Variants in UNC5B observed in about 807,000 individuals in gnomAD.
UNC5B encodes the protein unc-5 netrin receptor B.
A neutral mutation model predicts 103.7 loss-of-function variants in UNC5B; 56 were observed. The observed-to-expected ratio is 0.54, with a 90% confidence interval of 0.44 to 0.67. The LOEUF is 0.67. Ranked by LOEUF, UNC5B falls within the 30% of genes least tolerant of loss-of-function variation. The probability of loss-of-function intolerance (pLI) is 0.00; values close to 1 mark genes in which losing one functional copy is unlikely to be tolerated. For synonymous variants in UNC5B, 577 were observed against 542.0 expected, an observed-to-expected ratio of 1.06 and a Z score of -0.90; for missense variants, 1,194 against 1,284.5, an observed-to-expected ratio of 0.93 and a Z score of 1.08.
intron 1 of UNC5B, among the ~76,000 whole-genome samples, chr10:71,256,293 C>T (rs1362767932): frequency 6.6e-6 from 1 of 152,198 alleles, no homozygotes; most frequent in Non-Finnish European, 1.5e-5. Context: ...GGCCCCAGCT[C>T]CTCCAGGAAG....
At chr10:71,224,437 C>T (rs762965477) in intron 1 of UNC5B, among the ~76,000 whole-genome samples, 9 of 150,690 alleles carry the variant, frequency 6.0e-5, no homozygotes, top group Non-Finnish European at 1.2e-4. Flanking sequence ...CAGAAAAAGC[C>T]CCAAGTTGAG....
At chr10:71,226,165 C>T (rs937064427) in intron 1 of UNC5B, among the ~76,000 whole-genome samples, 1 of 152,180 alleles carries the variant, frequency 6.6e-6, no homozygotes, top group Non-Finnish European at 1.5e-5. Flanking sequence ...ATCTCTGCCT[C>T]CCAGGTTCAA....
chr10:71,258,833 C>T (rs1279653862), intron 1 of UNC5B, among the ~76,000 whole-genome samples: 3 of 152,208 alleles, frequency 2.0e-5, no homozygotes, highest in Non-Finnish European at 4.4e-5. Context: ...GAGGAGCTGC[C>T]AGATGGGTAA....
chr10:71,227,394 A>T (rs1469283665), intron 1 of UNC5B, among the ~76,000 whole-genome samples: 1 of 151,910 alleles, frequency 6.6e-6, no homozygotes, highest in African/African-American at 2.4e-5. Context: ...TAAGAATGAT[A>T]TAATGGACTT....
At chr10:71,280,160 C>G (rs1055410049) in intron 2 of UNC5B, 115 bp downstream of exon 2, 2 of 1,164,966 alleles carry the variant, frequency 1.7e-6, no homozygotes, top group Non-Finnish European at 2.4e-6. Context: ...AGCATTTCCC[C>G]AAGTGCTGGC....
chr10:71,298,882 G>A (rs142096176), intron 16 of UNC5B, among the ~76,000 whole-genome samples: 6 of 152,256 alleles, frequency 3.9e-5, no homozygotes, highest in African/African-American at 7.2e-5. Flanking sequence ...CTTGCTGAGC[G>A]GTAACTGGCA....
chr10:71,248,863 T>TCA (rs1380490117), intron 1 of UNC5B, among the ~76,000 whole-genome samples: 13 of 30,780 alleles, frequency 4.2e-4, no homozygotes, highest in East Asian at 1.8e-3. Flanking sequence ...TCTCTCTCTC[T>TCA]CTCTCACACA....
In UNC5B at chr10:71,288,671, C is replaced by A. The variant is rs145744964; in HGVS notation, c.1005C>A (p.Gly335=). The change falls in exon 7 of 17, where the codon GGC becomes GGA. Residue 335 remains glycine, a synonymous_variant. Coordinates refer to ENST00000335350, the MANE Select transcript of UNC5B (RefSeq NM_170744.5). ...TGGCGCCCCCACCCCAGAACGGAGG[C>A]CGTGACTGCAGCGGGACGCTGCTCG... ...ECMAPPPQNG[G]RDCSGTLLDS... is the part of the protein sequence containing the mutation. 3.7e-6 allele frequency: 6 copies of A among 1,613,784 alleles called. No individual in the cohort carries two copies. Among genetic ancestry groups the A allele is most frequent in the Admixed American group, 1.7e-5 (1 of 60,014 alleles).
intron 1 of UNC5B, among the ~76,000 whole-genome samples, chr10:71,214,129 C>T (rs143366218): frequency 2.6e-5 from 4 of 152,238 alleles, no homozygotes; most frequent in Non-Finnish European, 5.9e-5. Context: ...GGGACGGGGC[C>T]TCCTGCACGG....
chr10:71,285,908 G>A (rs958274673), intron 4 of UNC5B, among the ~76,000 whole-genome samples: 3 of 152,166 alleles, frequency 2.0e-5, no homozygotes, highest in Non-Finnish European at 4.4e-5. Flanking sequence ...GTGGTCCAGG[G>A]ATTAGAGCTG....
Position 71,252,621 on chromosome 10 carries a change from T to G in UNC5B, c.80-27200T>G, listed in dbSNP as rs559987544. Among the ~76,000 whole-genome samples the G allele has an allele frequency of 2.0e-5, 3 of 152,358 alleles. No individual in the cohort carries two copies. In the South Asian group the frequency reaches 6.2e-4, roughly 32 times the overall value. The stretch of plus-strand genomic sequence containing the variant: ...CTTGTTGAATGCATTGCCTCATTTA[T>G]TCTTCAGAGCAACCCTAACCCTATG... On this transcript the variant is annotated intron_variant, in intron 1 of 16. Transcript: ENST00000335350.
chr10:71,288,334 T>A (rs1249054001), intron 6 of UNC5B, among the ~76,000 whole-genome samples: 2 of 152,206 alleles, frequency 1.3e-5, no homozygotes, highest in African/African-American at 4.8e-5. Context: ...ACCTTATACA[T>A]CTATCTGTAC....
At position 71,302,720 on chromosome 10, in the gene UNC5B, G is replaced by A. The variant is rs1845607476; in HGVS notation, c.*3443G>A. 3 of 152,028 alleles carry A rather than the reference G, an allele frequency of 2.0e-5. 1 individual carries two copies. The highest frequency in any genetic ancestry group is 2.9e-5 in the Non-Finnish European group (2 of 67,996). 9.4% of individuals were successfully genotyped at this position (152,028 alleles called of 1,614,324 possible). On this transcript the variant is annotated 3_prime_UTR_variant, in exon 17 of 17. Coordinates refer to ENST00000335350, the MANE Select transcript of UNC5B (RefSeq NM_170744.5). The stretch of plus-strand genomic sequence containing the variant: ...TCTGTGGACATGGTTATATGCCCGG[G>A]AGAGGGGGGTGCAGGGCCCCAGGGA...
At position 71,299,508 on chromosome 10, in the gene UNC5B, G is replaced by A; in HGVS notation, c.*231G>A. 1 of 513,790 alleles carries A rather than the reference G, an allele frequency of 1.9e-6. No individual in the cohort carries two copies. The highest frequency in any genetic ancestry group is 1.9e-5 in the African/African-American group (1 of 52,240). 31.8% of individuals were successfully genotyped at this position (513,790 alleles called of 1,614,324 possible). On this transcript the variant is annotated 3_prime_UTR_variant, in exon 17 of 17. Transcript: ENST00000335350. ...CTCCACCCCCGCTCTCTCTCTCTTG[G>A]CCTGAGATCTCTGTGCAGGAACCAA...
At chr10:71,292,934 G>T (rs7083384) in intron 11 of UNC5B, among the ~76,000 whole-genome samples, 2,342 of 152,262 alleles carry the variant, frequency 0.015, 66 homozygotes, top group African/African-American at 0.053. Context: ...AATTTGCAGA[G>T]AAAACTAATG....
intron 10 of UNC5B, among the ~76,000 whole-genome samples, 168 bp from the exon 11 acceptor site, chr10:71,292,299 C>G (rs373749664): frequency 7.9e-5 from 12 of 152,158 alleles, no homozygotes; most frequent in South Asian, 2.1e-4. Context: ...GGTCAGTGGC[C>G]TGGCCTCTGC....
intron 1 of UNC5B, among the ~76,000 whole-genome samples, chr10:71,269,541 C>T (rs576665767): frequency 7.2e-4 from 109 of 152,132 alleles, no homozygotes; most frequent in Admixed American, 2.4e-3. Flanking sequence ...GGGATGGGCT[C>T]CTGTAGCCCA....
At chr10:71,295,629 C>T (rs529689333) in intron 13 of UNC5B, among the ~76,000 whole-genome samples, 182 bp from the exon 14 acceptor site, 1 of 152,326 alleles carries the variant, frequency 6.6e-6, no homozygotes, top group South Asian at 2.1e-4. Context: ...TCATCTTTCC[C>T]ACTGTCTGTC....
In UNC5B at chr10:71,258,911, G is replaced by T. The variant is rs532536544; in HGVS notation, c.80-20910G>T. Among the ~76,000 whole-genome samples the T allele has an allele frequency of 7.2e-5, 11 of 152,376 alleles. No individual in the cohort carries two copies. In the East Asian group the frequency reaches 2.1e-3, roughly 29 times the overall value. ...TCCTCCCCGCCCAGTGGCCAGCCAG[G>T]TACTGCCCTGTCCAGGAGGCAGCTG... On this transcript the variant is annotated intron_variant, in intron 1 of 16. Transcript: ENST00000335350.
Sources: gnomAD v4.1 joint callset for allele counts (sites outside exome capture counted in the v4.1 genomes callset) on GRCh38, gnomAD v4.1.1 for gene constraint, MANE v1.5 for transcripts, NCBI Gene and HGNC (gene_info 2026-07-23, HGNC 2026-07-21) for gene names.